The following CSNK1G2 variants were observed in gnomAD, a reference collection of about 807,000 sequenced individuals.
CSNK1G2 encodes the protein casein kinase I isoform gamma-2.
CSNK1G2 carries 11 observed loss-of-function variants against 48.0 expected under a neutral mutation model. The ratio of observed to expected loss-of-function variants is 0.23; its 90% confidence interval spans 0.14 to 0.38. The LOEUF (loss-of-function observed/expected upper bound fraction) is 0.38, where lower values mean the gene tolerates loss of function less well. CSNK1G2 is among the 10% of genes least tolerant of loss of function. The pLI is 1.00. For synonymous variants in CSNK1G2, 337 were observed against 254.1 expected (o/e 1.33, Z -3.10); for missense variants, 446 against 595.5 (o/e 0.75, Z 2.61).
intron 1 of CSNK1G2, among the ~76,000 whole-genome samples, chr19:1,948,819 C>A (rs2014663461): frequency 6.6e-6 from 1 of 152,198 alleles, no homozygotes; most frequent in Non-Finnish European, 1.5e-5. Flanking sequence ...GACCAGAGGC[C>A]TCGGGAGGAC....
intron 1 of CSNK1G2, among the ~76,000 whole-genome samples, chr19:1,947,939 C>CT (rs1464960920): frequency 2.4e-5 from 3 of 126,610 alleles, no homozygotes; most frequent in Non-Finnish European, 3.3e-5. Context: ...TGGTGACGTC[C>CT]TGGGGCCCCC....
intron 1 of CSNK1G2, among the ~76,000 whole-genome samples, chr19:1,952,034 T>C (rs1403992111): frequency 6.6e-6 from 1 of 152,102 alleles, no homozygotes; most frequent in African/African-American, 2.4e-5. Flanking sequence ...AGCTGAGAAG[T>C]GGTGAGATTG....
In CSNK1G2 at chr19:1,979,227, C is replaced by T; in HGVS notation, c.747C>T (p.Ser249=). 1 of 1,552,788 alleles carries T rather than the reference C, an allele frequency of 6.4e-7. No individual in the cohort carries two copies. The highest frequency in any genetic ancestry group is 2.0e-5 in the Admixed American group (1 of 50,998). The change falls in exon 7 of 12, where the codon AGC becomes AGT. Residue 249 remains serine (S), a synonymous_variant. Transcript: ENST00000255641. Reference sequence around the variant, plus strand: ...TGTTCATGTACTTCCTGCGCGGCAGCCTCCCCTGGCAGGGGCTCAAGGTGG... The same window carrying T: ...TGTTCATGTACTTCCTGCGCGGCAGTCTCCCCTGGCAGGGGCTCAAGGTGG... ...GHMFMYFLRG[S]LPWQGLKADT...
intron 2 of CSNK1G2, chr19:1,975,310 G>C (rs1202630861): frequency 3.0e-6 from 3 of 985,384 alleles, no homozygotes; most frequent in East Asian, 2.3e-4. Flanking sequence ...CACAGGCGAG[G>C]GCTTGTCCTC....
At chr19:1,965,197 C>CATCCTGGCTG (rs1273682752) in intron 1 of CSNK1G2, among the ~76,000 whole-genome samples, 4 of 149,734 alleles carry the variant, frequency 2.7e-5, no homozygotes, top group Non-Finnish European at 5.9e-5. Flanking sequence ...AGATCGAGAC[C>CATCCTGGCTG]ACAGTGAAAC....
chr19:1,966,011 C>T (rs906404995), intron 1 of CSNK1G2, among the ~76,000 whole-genome samples: 2 of 152,190 alleles, frequency 1.3e-5, no homozygotes, highest in Non-Finnish European at 2.9e-5. Flanking sequence ...GTTGCCCAGG[C>T]TGGTCTTGAA....
At chr19:1,944,153 C>T (rs745477936) in intron 1 of CSNK1G2, among the ~76,000 whole-genome samples, 19 of 152,112 alleles carry the variant, frequency 1.2e-4, no homozygotes, top group Non-Finnish European at 1.9e-4. Context: ...GGTGGCCGTG[C>T]GCGTGTTGGG....
intron 1 of CSNK1G2, among the ~76,000 whole-genome samples, chr19:1,955,505 C>T (rs556579940): frequency 1.2e-3 from 172 of 147,304 alleles, no homozygotes; most frequent in African/African-American, 4.3e-3. Context: ...GCGGGGTGGG[C>T]GTGTGCCAGG....
chr19:1,978,845 G>T lies in CSNK1G2; in HGVS notation c.448-14G>T, dbSNP rs1307049147. 1 of 1,597,024 alleles carries T rather than the reference G, an allele frequency of 6.3e-7. No homozygotes were observed. Among genetic ancestry groups the T allele is most frequent in the Non-Finnish European group, 8.5e-7 (1 of 1,175,000 alleles). On this transcript the variant is annotated splice_polypyrimidine_tract_variant and intron_variant, in intron 5 of 11. Transcript: ENST00000255641. The surrounding 1 kb of genome is among the most constrained non-coding windows in gnomAD (Gnocchi z 7.3). ...GGGGAGGGGCCCGGCCGACACCGCC[G>T]TGCCCCCCTGCAGATCACGCGCATG...
At chr19:1,946,656 A>G (rs1254003511) in intron 1 of CSNK1G2, among the ~76,000 whole-genome samples, 1 of 150,560 alleles carries the variant, frequency 6.6e-6, no homozygotes, top group Non-Finnish European at 1.5e-5. Context: ...TCTGTTGCCC[A>G]GGCTAGAGTG....
rs1366768390 is a variant in CSNK1G2, at chr19:1,978,996, C to T, written c.585C>T (p.Tyr195=). The T allele has an allele frequency of 5.6e-6, 9 of 1,598,842 alleles. No homozygotes were observed. Among genetic ancestry groups the T allele is most frequent in the Non-Finnish European group, 7.6e-6 (9 of 1,179,580 alleles). The change falls in exon 6 of 12, where the codon TAC becomes TAT. Residue 195 remains tyrosine, a synonymous_variant. Coordinates refer to ENST00000255641, the MANE Select transcript of CSNK1G2 (RefSeq NM_001319.7). The surrounding 1 kb of genome is among the most constrained non-coding windows in gnomAD (Gnocchi z 7.3). The stretch of plus-strand genomic sequence containing the variant: ...TCGACTTCGGGCTGGCCAAGGAGTA[C>T]ATCGACCCCGAGACCAAGAAGCACA... ...HIIDFGLAKE[Y]IDPETKKHIP...
intron 1 of CSNK1G2, among the ~76,000 whole-genome samples, chr19:1,955,625 G>A (rs1169407421): frequency 6.6e-6 from 1 of 151,554 alleles, no homozygotes; most frequent in Non-Finnish European, 1.5e-5. Flanking sequence ...GGTGTGGCTG[G>A]GCCCTCCCTC....
At chr19:1,944,744 G>A (rs1484324855) in intron 1 of CSNK1G2, among the ~76,000 whole-genome samples, 1 of 152,188 alleles carries the variant, frequency 6.6e-6, no homozygotes, top group Non-Finnish European at 1.5e-5. Flanking sequence ...CTCAAAGTGA[G>A]GGTCTGGGAC....
Position 1,957,719 on chromosome 19 carries a change from G to A in CSNK1G2, c.-265-11789G>A, listed in dbSNP as rs989986584. Among the ~76,000 whole-genome samples the A allele has an allele frequency of 2.0e-5, 3 of 152,100 alleles. No individual in the cohort carries two copies. The highest frequency in any genetic ancestry group is 1.9e-4 in the East Asian group (1 of 5,178). ...TGGGCACAGAGGGGCCTCTGAGGGC[G>A]TCTGGCGGCATTTGAGCAGCTGCCA... is the stretch of plus-strand genomic sequence containing the variant. On this transcript the variant is annotated intron_variant, in intron 1 of 11. Coordinates refer to ENST00000255641, the MANE Select transcript of CSNK1G2 (RefSeq NM_001319.7). This position sits in a 1 kb window ranked among gnomAD's most constrained non-coding sequence, Gnocchi z 5.4.
rs563683970 is a variant in CSNK1G2, at chr19:1,952,575, C to T, written c.-266+11157C>T. On this transcript the variant is annotated intron_variant, in intron 1 of 11. Coordinates refer to ENST00000255641, the MANE Select transcript of CSNK1G2 (RefSeq NM_001319.7). ...CTGACCTCAAGTGATCTTCCCACCT[C>T]GGCCTCCCAAAGTGTACGTATCTTT... The T allele has an allele frequency of 5.0e-4, 78 of 155,792 alleles. 1 individual carries two copies. In the South Asian group the frequency reaches 6.2e-3, roughly 12 times the overall value. The allele number at this position is 155,792 out of a possible 1,614,324, so 9.7% of individuals were successfully genotyped here.
At chr19:1,959,490 C>CCACCGTGGG (rs2015116508) in intron 1 of CSNK1G2, among the ~76,000 whole-genome samples, 1 of 146,100 alleles carries the variant, frequency 6.8e-6, no homozygotes, top group Non-Finnish European at 1.5e-5. Flanking sequence ...ACCTTTAATG[C>CCACCGTGGG]TCGGCCCCCA....
chr19:1,975,063 C>T (rs937671273), intron 2 of CSNK1G2: 2 of 985,356 alleles, frequency 2.0e-6, no homozygotes, highest in African/African-American at 3.5e-5. Context: ...CTCTGACACG[C>T]CAGCCGCACA....
At chr19:1,972,716 G>T (rs534566947) in intron 2 of CSNK1G2, among the ~76,000 whole-genome samples, 3 of 151,862 alleles carry the variant, frequency 2.0e-5, no homozygotes, top group Non-Finnish European at 2.9e-5. Context: ...TCTGCCTCTC[G>T]GGTTCAAGCA....
rs1284165139 is a variant in CSNK1G2 at position 1,967,755 on chromosome 19, C to T, written c.-265-1753C>T. On this transcript the variant is annotated intron_variant, in intron 1 of 11. Coordinates refer to ENST00000255641, the MANE Select transcript of CSNK1G2 (RefSeq NM_001319.7). ...TCCTTCCTCCCTCCTCCCCAGGCTG[C>T]CCCCGACCACCCTTCAGTTCTGCAG... Among the ~76,000 whole-genome samples, 60 of 79,744 alleles carry T rather than the reference C, an allele frequency of 7.5e-4. 4 individuals are homozygous for T. Among genetic ancestry groups the T allele is most frequent in the African/African-American group, 3.9e-3 (51 of 13,154 alleles). 52.3% of individuals were successfully genotyped at this position (79,744 alleles called of 152,430 possible).
Sources: allele counts gnomAD v4.1 joint callset (sites outside exome capture counted in the v4.1 genomes callset), GRCh38; gene constraint gnomAD v4.1.1; non-coding constraint Gnocchi (gnomAD v3.1); transcripts MANE v1.5; gene names NCBI Gene and HGNC (gene_info 2026-07-23, HGNC 2026-07-21).